CATSPERE: variants seen among roughly 807,000 people sequenced by gnomAD.
The protein encoded by CATSPERE is cation channel sperm-associated auxiliary subunit epsilon.
A neutral mutation model predicts 114.1 loss-of-function variants in CATSPERE; 93 were observed. That is an observed-to-expected ratio of 0.81 (90% confidence interval 0.69 to 0.97). The LOEUF is 0.97. Among genes scored for constraint, CATSPERE ranks in the 50% least tolerant of loss-of-function variants. The probability of loss-of-function intolerance (pLI) is 0.00; values close to 1 mark genes in which losing one functional copy is unlikely to be tolerated. For synonymous variants in CATSPERE, 341 were observed against 384.1 expected (o/e 0.89, Z 1.31); for missense variants, 1,058 against 1,131.6 (o/e 0.93, Z 0.93).
intron 1 of CATSPERE, 95 bp from the exon 2 acceptor site, chr1:244,463,812 TC>T (rs1667179696): frequency 9.1e-7 from 1 of 1,100,292 alleles, no homozygotes; most frequent in Non-Finnish European, 1.4e-6. Context: ...AAGGTGACAC[TC>T]CTGGCAGCCC....
chr1:244,517,977 A>T (rs1676916113), intron 7 of CATSPERE, among the ~76,000 whole-genome samples: 1 of 152,168 alleles, frequency 6.6e-6, no homozygotes, highest in Non-Finnish European at 1.5e-5. Context: ...GCAGTATTAG[A>T]GGATTAGGAT....
intron 17 of CATSPERE, among the ~76,000 whole-genome samples, chr1:244,598,206 CAG>C (rs1160496052): frequency 3.9e-5 from 6 of 152,112 alleles, no homozygotes; most frequent in Admixed American, 3.9e-4. Context: ...GAAGGGGAAA[CAG>C]GGATAGCATT....
At position 244,581,210 on chromosome 1, in the gene CATSPERE, C is replaced by T. The variant is rs538228186; in HGVS notation, c.1951-586C>T. Among the ~76,000 whole-genome samples, 11 of 152,152 alleles carry T rather than the reference C, an allele frequency of 7.2e-5. No homozygotes were observed. In the East Asian group the frequency reaches 7.7e-4, roughly 11 times the overall value. ...GTCTTGCTTTTGTCTTTGAATATGA[C>T]GCTTATGAAAGTCCATGTTGTTTTC... On this transcript the variant is annotated intron_variant, in intron 11 of 21. Coordinates refer to ENST00000366534, the MANE Select transcript of CATSPERE (RefSeq NM_001130957.2).
intron 7 of CATSPERE, among the ~76,000 whole-genome samples, chr1:244,514,906 G>A (rs565917986): frequency 4.6e-5 from 7 of 151,290 alleles, no homozygotes; most frequent in South Asian, 4.2e-4. Context: ...AGTTAATAAC[G>A]TATCAGCATC....
intron 19 of CATSPERE, among the ~76,000 whole-genome samples, chr1:244,611,379 C>T (rs931120493): frequency 6.6e-6 from 1 of 151,748 alleles, no homozygotes; most frequent in African/African-American, 2.4e-5. Flanking sequence ...CACTTGAGCC[C>T]AGGAGTTCAA....
chr1:244,467,713 G>T (rs1444161827), intron 2 of CATSPERE, among the ~76,000 whole-genome samples: 1 of 152,200 alleles, frequency 6.6e-6, no homozygotes, highest in Admixed American at 6.5e-5. Flanking sequence ...TCAATCAGTA[G>T]TATAGAGGGA....
intron 2 of CATSPERE, among the ~76,000 whole-genome samples, chr1:244,466,810 C>A (rs1002325794): frequency 6.6e-6 from 1 of 152,138 alleles, no homozygotes; most frequent in South Asian, 2.1e-4. Flanking sequence ...CAAGTCTCTC[C>A]CAGTACCTAA....
Position 244,581,846 on chromosome 1 carries a change from T to A in CATSPERE, c.2001T>A (p.Phe667Leu). Residue 667 changes from phenylalanine to leucine, a missense_variant, in exon 12 of 22, where the codon TTT becomes TTA. Phe to Leu is a conservative substitution (Grantham distance 22). Around this residue, in one of 2 missense-constraint regions of CATSPERE, gnomAD observed 787 missense variants for 905.6 expected, o/e 0.87. Coordinates refer to ENST00000366534, the MANE Select transcript of CATSPERE (RefSeq NM_001130957.2). ...ATTATGAGAGAATATCTGATTACTT[T>A]GAGACACAGTAAGTATAACTTTTAA... ...NVDYERISDY[F>L]ETQDKHTGLV... 7.7e-7 allele frequency: 1 copy of A among 1,302,502 alleles called. No homozygotes were observed. Among genetic ancestry groups the A allele is most frequent in the South Asian group, 1.3e-5 (1 of 78,592 alleles). 80.7% of individuals were successfully genotyped at this position (1,302,502 alleles called of 1,614,324 possible).
chr1:244,478,255 A>G (rs1310545113), intron 4 of CATSPERE, among the ~76,000 whole-genome samples: 4 of 152,232 alleles, frequency 2.6e-5, no homozygotes, highest in Admixed American at 2.6e-4. Flanking sequence ...TAATGATAAT[A>G]GGACTCTCAG....
intron 6 of CATSPERE, among the ~76,000 whole-genome samples, chr1:244,490,981 TTAA>T (rs1162862402): frequency 3.9e-5 from 6 of 152,144 alleles, no homozygotes. Flanking sequence ...TGTAGGATTC[TTAA>T]TAATTTTTAA....
intron 17 of CATSPERE, among the ~76,000 whole-genome samples, chr1:244,598,890 C>T (rs1668794437): frequency 6.6e-6 from 1 of 151,884 alleles, no homozygotes. Context: ...TTGATATATC[C>T]CAACACTGCA....
chr1:244,536,312 C>T (rs1215761052), intron 8 of CATSPERE, among the ~76,000 whole-genome samples: 1 of 152,010 alleles, frequency 6.6e-6, no homozygotes, highest in Non-Finnish European at 1.5e-5. Flanking sequence ...TCTCTGAGCC[C>T]AGTACAGCAC....
At chr1:244,621,270 G>A (rs188181828) in intron 20 of CATSPERE, among the ~76,000 whole-genome samples, 9 of 62,624 alleles carry the variant, frequency 1.4e-4, no homozygotes, top group African/African-American at 2.8e-4. Context: ...TATTTATATA[G>A]ATATATCTAT....
In CATSPERE at chr1:244,499,072, C is replaced by T. The variant is rs764637593; in HGVS notation, c.422C>T (p.Pro141Leu). The change falls in exon 7 of 22, where the codon CCT becomes CTT. Residue 141 changes from proline to leucine, a missense_variant. Coordinates refer to ENST00000366534, the MANE Select transcript of CATSPERE (RefSeq NM_001130957.2). Reference sequence around the variant, plus strand: ...GAGTTGCTGGGGAATGCAGAAGAACCTTCAATAGTAGGTGGAAACATTAGT... The same window carrying T: ...GAGTTGCTGGGGAATGCAGAAGAACTTTCAATAGTAGGTGGAAACATTAGT... ...PDELLGNAEEPSINSIVLSTQ... is the reference protein window; with the variant it reads ...PDELLGNAEELSINSIVLSTQ... 5 of 1,607,508 alleles carry T rather than the reference C, an allele frequency of 3.1e-6. No homozygotes were observed. Among genetic ancestry groups the T allele is most frequent in the Non-Finnish European group, 4.3e-6 (5 of 1,174,418 alleles).
chr1:244,640,166 C>A lies in CATSPERE; in HGVS notation c.*85C>A. The A allele has an allele frequency of 1.8e-6, 2 of 1,087,460 alleles. No individual in the cohort carries two copies. Among genetic ancestry groups the A allele is most frequent in the Non-Finnish European group, 2.6e-6 (2 of 782,708 alleles). 67.4% of individuals were successfully genotyped at this position (1,087,460 alleles called of 1,614,324 possible). A position where few individuals can be genotyped will look rare whatever the true frequency, so the allele number is the denominator to read the frequency against. On this transcript the variant is annotated 3_prime_UTR_variant, in exon 22 of 22. Coordinates refer to ENST00000366534, the MANE Select transcript of CATSPERE (RefSeq NM_001130957.2). The stretch of plus-strand genomic sequence containing the variant: ...GTGATATTGAGAGTGTGTGTTTGAC[C>A]AAGAAATACTAAATATAAGCTCGTA...
chr1:244,554,037 G>A (rs1661209476), intron 9 of CATSPERE, among the ~76,000 whole-genome samples: 2 of 152,216 alleles, frequency 1.3e-5, no homozygotes, highest in African/African-American at 2.4e-5. Context: ...ATTCCATTGG[G>A]TATATATAAC....
intron 8 of CATSPERE, among the ~76,000 whole-genome samples, chr1:244,528,744 AC>A (rs1679080030): frequency 6.7e-6 from 1 of 149,852 alleles, no homozygotes; most frequent in African/African-American, 2.5e-5. Context: ...ATTTTTTTGA[AC>A]CCATTAACCA....
At chr1:244,488,241 T>C (rs1468386391) in intron 5 of CATSPERE, among the ~76,000 whole-genome samples, 1 of 152,242 alleles carries the variant, frequency 6.6e-6, no homozygotes, top group Non-Finnish European at 1.5e-5. Context: ...TCGATGGGAT[T>C]TTTTTGATCC....
At position 244,560,783 on chromosome 1, in the gene CATSPERE, G is replaced by A; in HGVS notation, c.1145G>A (p.Ser382Asn). 1 of 1,613,992 alleles carries A rather than the reference G, an allele frequency of 6.2e-7. No individual in the cohort carries two copies. Among genetic ancestry groups the A allele is most frequent in the Non-Finnish European group, 8.5e-7 (1 of 1,179,944 alleles). The change falls in exon 10 of 22, where the codon AGT becomes AAT. Residue 382 changes from serine to asparagine, a missense_variant. This residue lies in a region of CATSPERE where 787 missense variants were observed against 905.6 expected (regional missense o/e 0.87). Transcript: ENST00000366534. ...ACCACAGAACTGAAAAACATCCTAA[G>A]TCTATCGGTGACTGCTACTCTGACC... Reference protein sequence around the residue: ...VTTTELKNILSLSVTATLTID... With the variant: ...VTTTELKNILNLSVTATLTID...
Sources: allele counts gnomAD v4.1 joint callset (sites outside exome capture counted in the v4.1 genomes callset), GRCh38; gene constraint gnomAD v4.1.1; regional missense constraint gnomAD v4.1.1; transcripts MANE v1.5; gene names NCBI Gene and HGNC (gene_info 2026-07-23, HGNC 2026-07-21).